The following GRID2 variants were observed in gnomAD, a reference collection of about 807,000 sequenced individuals.
GRID2 encodes the protein glutamate receptor ionotropic, delta-2.
GRID2 carries 33 observed loss-of-function variants against 114.8 expected under a neutral mutation model. The observed-to-expected ratio is 0.29, with a 90% CI of 0.22 to 0.38. GRID2 has a LOEUF of 0.38. Ranked by LOEUF, GRID2 falls within the 10% of genes least tolerant of loss-of-function variation. The pLI is 1.00. For missense variants in GRID2, 1,184 were observed against 1,257.7 expected (o/e 0.94, Z 0.89); for synonymous variants, 505 against 449.9 (o/e 1.12, Z -1.55).
intron 2 of GRID2, among the ~76,000 whole-genome samples, chr4:92,921,135 TCG>T (rs1749288769): frequency 6.6e-6 from 1 of 152,328 alleles, no homozygotes; most frequent in Admixed American, 6.5e-5. Flanking sequence ...TTCCAGTTGA[TCG>T]CGTCGGCTAC....
chr4:92,361,878 A>T (rs1375604881), intron 1 of GRID2, among the ~76,000 whole-genome samples: 2 of 151,978 alleles, frequency 1.3e-5, no homozygotes, highest in Non-Finnish European at 2.9e-5. Flanking sequence ...TCCTCTTTCC[A>T]TTCTAGGATC....
intron 12 of GRID2, among the ~76,000 whole-genome samples, chr4:93,499,848 A>G (rs1208946176): frequency 6.6e-6 from 1 of 151,878 alleles, no homozygotes; most frequent in East Asian, 1.9e-4. Context: ...CCCATGAGAG[A>G]TATGTTATTA....
intron 11 of GRID2, among the ~76,000 whole-genome samples, chr4:93,465,619 C>G (rs931884143): frequency 6.6e-6 from 1 of 152,122 alleles, no homozygotes. Context: ...AAAGTCGGCA[C>G]AGAACATTAT....
At chr4:93,758,560 G>T (rs1041892897) in intron 14 of GRID2, among the ~76,000 whole-genome samples, 10 of 152,102 alleles carry the variant, frequency 6.6e-5, no homozygotes, top group Non-Finnish European at 1.2e-4. Context: ...GAAAATGTTT[G>T]TCTCTTCAAA....
intron 2 of GRID2, among the ~76,000 whole-genome samples, chr4:92,944,980 T>A (rs1031602934): frequency 1.3e-5 from 2 of 152,182 alleles, no homozygotes; most frequent in Admixed American, 1.3e-4. Flanking sequence ...TTTCATGGAT[T>A]ATATGAAACC....
At chr4:93,668,081 A>G (rs1024132106) in intron 14 of GRID2, among the ~76,000 whole-genome samples, 1 of 152,022 alleles carries the variant, frequency 6.6e-6, no homozygotes, top group African/African-American at 2.4e-5. Context: ...AGACACAATG[A>G]CTTGTTATGC....
intron 4 of GRID2, among the ~76,000 whole-genome samples, chr4:93,149,683 G>A (rs1736569689): frequency 6.6e-6 from 1 of 152,052 alleles, no homozygotes; most frequent in East Asian, 1.9e-4. Flanking sequence ...ACCAAAGCTG[G>A]AGTATGGTGG....
chr4:92,953,366 T>C (rs1466541131), intron 2 of GRID2, among the ~76,000 whole-genome samples: 1 of 152,162 alleles, frequency 6.6e-6, no homozygotes, highest in Non-Finnish European at 1.5e-5. Flanking sequence ...GCTCTATGCA[T>C]ATAATGTATC....
intron 2 of GRID2, among the ~76,000 whole-genome samples, chr4:92,821,112 T>A (rs1404400631): frequency 1.3e-5 from 2 of 152,174 alleles, no homozygotes; most frequent in Middle Eastern, 3.2e-3. Flanking sequence ...TTAGGTATAC[T>A]CCAAAAGTAG....
At chr4:93,535,271 C>G (rs1731938150) in intron 13 of GRID2, among the ~76,000 whole-genome samples, 1 of 139,372 alleles carries the variant, frequency 7.2e-6, no homozygotes, top group African/African-American at 2.7e-5. Context: ...CACACACACA[C>G]CACATTTTCT....
intron 2 of GRID2, among the ~76,000 whole-genome samples, chr4:92,718,446 A>G (rs1033803904): frequency 2.6e-5 from 4 of 152,188 alleles, no homozygotes; most frequent in African/African-American, 9.6e-5. Flanking sequence ...ATAGATGCAC[A>G]CATTTATTAT....
intron 14 of GRID2, among the ~76,000 whole-genome samples, chr4:93,768,090 G>T (rs1057336389): frequency 6.6e-6 from 1 of 152,128 alleles, no homozygotes; most frequent in Non-Finnish European, 1.5e-5. Context: ...ACGCAAGGCT[G>T]TATACACCCG....
rs1168500934 is a variant in GRID2 at position 93,175,865 on chromosome 4, C to T, written c.736-31539C>T. On this transcript the variant is annotated intron_variant, in intron 4 of 15. Transcript: ENST00000282020. ...GGTGAGAAGCTGTCCCAGTTTTCCC[C>T]TCCAATCCAACAAAGCACCATGTGA... 3.3e-5 allele frequency among the ~76,000 whole-genome samples: 5 copies of T among 152,202 alleles called. No homozygotes were observed. The East Asian group carries it at 9.7e-4, about 29-fold the overall frequency.
At chr4:92,727,792 C>T (rs980583387) in intron 2 of GRID2, among the ~76,000 whole-genome samples, 4 of 152,002 alleles carry the variant, frequency 2.6e-5, no homozygotes, top group African/African-American at 7.2e-5. Context: ...TGCATTCATT[C>T]TCCTGTTGAT....
intron 8 of GRID2, among the ~76,000 whole-genome samples, chr4:93,266,807 T>C (rs1750886150): frequency 6.6e-6 from 1 of 152,156 alleles, no homozygotes; most frequent in Admixed American, 6.6e-5. Context: ...GTACGTGTAG[T>C]GTTGGGTTTT....
At chr4:93,207,192 A>T (rs1467262704) in intron 4 of GRID2, among the ~76,000 whole-genome samples, 3 of 152,212 alleles carry the variant, frequency 2.0e-5, no homozygotes, top group African/African-American at 7.2e-5. Context: ...TATGTTTTCA[A>T]ATATAATTAG....
intron 4 of GRID2, among the ~76,000 whole-genome samples, chr4:93,151,120 CAA>C (rs3078717): frequency 5.9e-5 from 6 of 102,510 alleles, no homozygotes; most frequent in Non-Finnish European, 8.1e-5. Flanking sequence ...TAAGACTCCT[CAA>C]AAAAAAAAAA....
At chr4:93,670,159 G>C (rs1189170555) in intron 14 of GRID2, among the ~76,000 whole-genome samples, 3 of 152,016 alleles carry the variant, frequency 2.0e-5, no homozygotes, top group African/African-American at 7.2e-5. Context: ...CTTTGCACTA[G>C]GTACAGTTTA....
chr4:93,734,410 C>G (rs1459388429), intron 14 of GRID2, among the ~76,000 whole-genome samples: 1 of 151,956 alleles, frequency 6.6e-6, no homozygotes, highest in Non-Finnish European at 1.5e-5. Context: ...ACAAGTTGAA[C>G]TGTTGACTGC....
Sources: gnomAD v4.1 joint callset for allele counts (sites outside exome capture counted in the v4.1 genomes callset) on GRCh38, gnomAD v4.1.1 for gene constraint, MANE v1.5 for transcripts, NCBI Gene and HGNC (gene_info 2026-07-23, HGNC 2026-07-21) for gene names.